The following SNX4 variants were observed in gnomAD, a reference collection of about 807,000 sequenced individuals.
The protein encoded by SNX4 is sorting nexin 4, also known as sorting nexin-4.
SNX4 carries 49 observed loss-of-function variants against 70.8 expected under a neutral mutation model. That is an observed-to-expected ratio of 0.69 (90% confidence interval 0.55 to 0.88). SNX4 has a LOEUF of 0.88. Ranked by LOEUF, SNX4 falls within the 40% of genes least tolerant of loss-of-function variation. The pLI is 0.00. For synonymous variants in SNX4, 206 were observed against 183.8 expected (o/e 1.12, Z -0.98); for missense variants, 528 against 544.8 (o/e 0.97, Z 0.31).
At chr3:125,476,789 G>T in intron 7 of SNX4, 33 bp from the exon 8 acceptor site, 2 of 1,354,274 alleles carry the variant, frequency 1.5e-6, no homozygotes, top group Non-Finnish European at 2.1e-6. Flanking sequence ...ATTGCTTTTA[G>T]GTCAAAGTTA....
At chr3:125,458,222 G>A (rs997376917) in intron 10 of SNX4, among the ~76,000 whole-genome samples, 1 of 148,722 alleles carries the variant, frequency 6.7e-6, no homozygotes, top group African/African-American at 2.5e-5. Context: ...ACCCAGGCTG[G>A]AGGGCAATGG....
intron 8 of SNX4, 48 bp from the exon 9 acceptor site, chr3:125,469,567 G>A (rs769331657): frequency 8.0e-7 from 1 of 1,252,802 alleles, no homozygotes; most frequent in African/African-American, 1.5e-5. Flanking sequence ...TAGAGATATG[G>A]AATAGTATTA....
intron 9 of SNX4, 21 bp downstream of exon 9, chr3:125,469,432 CA>C (rs1316670531): frequency 1.9e-6 from 3 of 1,588,758 alleles, no homozygotes; most frequent in Non-Finnish European, 2.6e-6. Flanking sequence ...TCAGGCTTCA[CA>C]AAAGTTCTCG....
chr3:125,459,298 T>A (rs1200046504), intron 10 of SNX4, among the ~76,000 whole-genome samples: 2 of 152,238 alleles, frequency 1.3e-5, no homozygotes, highest in African/African-American at 4.8e-5. Flanking sequence ...TAGCTAGGCA[T>A]TGACAAATAC....
At chr3:125,457,233 A>G (rs753050199) in intron 11 of SNX4, 33 bp downstream of exon 11, 2 of 1,429,792 alleles carry the variant, frequency 1.4e-6, no homozygotes, top group Non-Finnish European at 2.0e-6. Context: ...GTGTTGCTAC[A>G]GTATCATCAG....
chr3:125,497,148 G>C (rs1485721218), intron 5 of SNX4, among the ~76,000 whole-genome samples, 193 bp downstream of exon 5: 2 of 150,262 alleles, frequency 1.3e-5, no homozygotes, highest in Non-Finnish European at 2.9e-5. Context: ...GCCCATTATA[G>C]TCTCATAAGT....
chr3:125,447,879 C>A, intron 13 of SNX4, 53 bp from the exon 14 acceptor site: 2 of 1,236,700 alleles, frequency 1.6e-6, no homozygotes, highest in East Asian at 2.4e-5. Context: ...AATCTGAAAA[C>A]CCAAGTACTT....
At chr3:125,492,077 C>T (rs1315771967) in intron 5 of SNX4, among the ~76,000 whole-genome samples, 2 of 134,268 alleles carry the variant, frequency 1.5e-5, no homozygotes, top group Non-Finnish European at 3.0e-5. Context: ...CACCGCACTC[C>T]AGCCTGGGTG....
chr3:125,512,325 T>C (rs538096630), intron 1 of SNX4, among the ~76,000 whole-genome samples: 1 of 152,330 alleles, frequency 6.6e-6, no homozygotes, highest in Non-Finnish European at 1.5e-5. Context: ...AAGTTATTAA[T>C]ATCTCCCCAG....
chr3:125,475,979 A>T (rs545631365), intron 8 of SNX4, among the ~76,000 whole-genome samples: 3 of 148,154 alleles, frequency 2.0e-5, no homozygotes, highest in South Asian at 2.2e-4. Context: ...ACCCTGTATT[A>T]AAAAAAAAAC....
intron 10 of SNX4, among the ~76,000 whole-genome samples, chr3:125,458,814 C>CAAAAAAAAA (rs71148180): frequency 1.4e-4 from 9 of 64,530 alleles, no homozygotes; most frequent in South Asian, 8.5e-4. Context: ...GACTCCGTCT[C>CAAAAAAAAA]AAAAAAAAAA....
At chr3:125,458,292 C>T (rs1395201204) in intron 10 of SNX4, among the ~76,000 whole-genome samples, 1 of 151,710 alleles carries the variant, frequency 6.6e-6, no homozygotes, top group East Asian at 1.9e-4. Context: ...CCCACCTCAG[C>T]CTCCTAAGTA....
rs767432586 is a variant in SNX4, at chr3:125,471,344, C to CAAAAAAAAAAAAAAAAAAAAAAAA, written c.789-1849_789-1826dup. ...GGGCAACAAGAGCAAAGCTCCATCT[C>CAAAAAAAAAAAAAAAAAAAAAAAA]AAAAAAAAAAAAAAAAAAAAAAAAA... On this transcript the variant is annotated intron_variant, in intron 8 of 13. Transcript: ENST00000251775. Among the ~76,000 whole-genome samples the CAAAAAAAAAAAAAAAAAAAAAAAA allele has an allele frequency of 1.5e-3, 43 of 28,160 alleles. 2 individuals are homozygous for CAAAAAAAAAAAAAAAAAAAAAAAA. Among genetic ancestry groups the CAAAAAAAAAAAAAAAAAAAAAAAA allele is most frequent in the African/African-American group, 4.4e-3 (24 of 5,454 alleles). The allele number at this position is 28,160 out of a possible 152,430, so 18.5% of individuals were successfully genotyped here.
At chr3:125,478,418 C>CT (rs72363640) in intron 7 of SNX4, among the ~76,000 whole-genome samples, 66,771 of 145,406 alleles carry the variant, frequency 0.46, 15,210 homozygotes, top group Admixed American at 0.52. Flanking sequence ...TTTTTCTTTT[C>CT]TTTTTTTTTT....
At chr3:125,458,001 A>G (rs982725314) in intron 10 of SNX4, among the ~76,000 whole-genome samples, 1 of 152,154 alleles carries the variant, frequency 6.6e-6, no homozygotes, top group Non-Finnish European at 1.5e-5. Context: ...AACTACATAC[A>G]TAATGTATAC....
intron 5 of SNX4, among the ~76,000 whole-genome samples, chr3:125,492,037 G>A (rs1240486267): frequency 3.4e-5 from 5 of 146,622 alleles, no homozygotes; most frequent in Admixed American, 7.0e-5. Context: ...GAACCCGTGA[G>A]GCAGAGTTTG....
chr3:125,471,609 A>C (rs183764933), intron 8 of SNX4, among the ~76,000 whole-genome samples: 1 of 152,312 alleles, frequency 6.6e-6, no homozygotes, highest in Non-Finnish European at 1.5e-5. Context: ...CAACCTATGA[A>C]TTAAGATGAA....
At chr3:125,503,945 C>T (rs1934985228) in intron 2 of SNX4, among the ~76,000 whole-genome samples, 1 of 152,072 alleles carries the variant, frequency 6.6e-6, no homozygotes, top group African/African-American at 2.4e-5. Context: ...ACGAGTAATC[C>T]CAGCATTTTG....
chr3:125,510,220 C>T (rs1935140539), intron 1 of SNX4, among the ~76,000 whole-genome samples: 1 of 151,956 alleles, frequency 6.6e-6, no homozygotes, highest in African/African-American at 2.4e-5. Context: ...AAATGTCCAT[C>T]AACAGATGAA....
Sources: gnomAD v4.1 joint callset for allele counts (sites outside exome capture counted in the v4.1 genomes callset) on GRCh38, gnomAD v4.1.1 for gene constraint, MANE v1.5 for transcripts, NCBI Gene and HGNC (gene_info 2026-07-23, HGNC 2026-07-21) for gene names.